ATP8B1: variants seen among roughly 807,000 people sequenced by gnomAD.
ATP8B1 encodes the protein ATPase phospholipid transporting 8B1, also known as phospholipid-transporting ATPase IC.
A neutral mutation model predicts 149.9 loss-of-function variants in ATP8B1; 80 were observed. That is an observed-to-expected ratio of 0.53 (90% CI 0.45 to 0.64). ATP8B1 has a LOEUF of 0.64. ATP8B1 is among the 30% of genes least tolerant of loss of function. The pLI is 0.00. For missense variants in ATP8B1, 1,247 were observed against 1,552.6 expected (o/e 0.80, Z 3.31); for synonymous variants, 536 against 562.8 (o/e 0.95, Z 0.67).
chr18:57,749,210 T>A (rs1236203269), intron 1 of ATP8B1, among the ~76,000 whole-genome samples: 1 of 152,236 alleles, frequency 6.6e-6, no homozygotes, highest in African/African-American at 2.4e-5. Context: ...TAGCACATGG[T>A]GATGAGGGCT....
rs35671095 is a variant in ATP8B1 at position 57,731,838 on chromosome 18, A to C, written c.-25-6T>G. On this transcript the variant is annotated splice_region_variant and splice_polypyrimidine_tract_variant and intron_variant, in intron 1 of 27. Coordinates refer to ENST00000648908, the MANE Select transcript of ATP8B1 (RefSeq NM_001374385.1). The stretch of plus-strand genomic sequence containing the variant: ...TGGCAAATTGGAACTACCTGCTTAA[A>C]AGGAAAGAGAAACCAGAGTGAATTA... 1 of 1,613,416 alleles carries C rather than the reference A, an allele frequency of 6.2e-7. No homozygotes were observed. Among genetic ancestry groups the C allele is most frequent in the Non-Finnish European group, 8.5e-7 (1 of 1,179,584 alleles).
chr18:57,710,689 C>T (rs1913645298), intron 2 of ATP8B1, among the ~76,000 whole-genome samples: 1 of 152,178 alleles, frequency 6.6e-6, no homozygotes, highest in Non-Finnish European at 1.5e-5. Flanking sequence ...GGCTGGAGTC[C>T]AATGATGCGA....
At chr18:57,764,995 T>G (rs1024951603) in intron 1 of ATP8B1, among the ~76,000 whole-genome samples, 1 of 152,186 alleles carries the variant, frequency 6.6e-6, no homozygotes, top group Non-Finnish European at 1.5e-5. Context: ...AGTAGACCCA[T>G]GTTCACAACA....
chr18:57,769,366 G>A (rs2123366379), intron 1 of ATP8B1, among the ~76,000 whole-genome samples: 1 of 152,260 alleles, frequency 6.6e-6, no homozygotes, highest in East Asian at 1.9e-4. Flanking sequence ...AATAAAGCTA[G>A]TTTCTCTAGA....
At chr18:57,788,369 C>G (rs2080429716) in intron 1 of ATP8B1, among the ~76,000 whole-genome samples, 2 of 152,118 alleles carry the variant, frequency 1.3e-5, no homozygotes, top group Non-Finnish European at 2.9e-5. Flanking sequence ...GCTTGGCCAA[C>G]ATGGTGAAAC....
chr18:57,781,682 A>G (rs967014725), intron 1 of ATP8B1, among the ~76,000 whole-genome samples: 1 of 152,222 alleles, frequency 6.6e-6, no homozygotes, highest in African/African-American at 2.4e-5. Context: ...ACAGTTCAAT[A>G]TGGGAAACAT....
intron 24 of ATP8B1, 138 bp from the exon 25 acceptor site, chr18:57,652,867 C>G: frequency 1.9e-6 from 2 of 1,032,998 alleles, no homozygotes; most frequent in South Asian, 1.4e-5. Context: ...GATAATCGAT[C>G]AATCCTGCAA....
At chr18:57,671,631 TA>T (rs755181019) in intron 16 of ATP8B1, 51 bp from the exon 17 acceptor site, 12 of 1,325,630 alleles carry the variant, frequency 9.1e-6, no homozygotes, top group Non-Finnish European at 1.2e-5. Flanking sequence ...TTTTTATATA[TA>T]TATTTTTTGA....
chr18:57,764,579 C>T (rs6566897), intron 1 of ATP8B1, among the ~76,000 whole-genome samples: 97,677 of 151,186 alleles, frequency 0.65, 31,769 homozygotes, highest in African/African-American at 0.69. Context: ...CCACCACACC[C>T]GGCTAATTTT....
chr18:57,752,827 T>C (rs75019912), intron 1 of ATP8B1, among the ~76,000 whole-genome samples: 2,113 of 152,326 alleles, frequency 0.014, 20 homozygotes, highest in Middle Eastern at 0.054. Flanking sequence ...AATAGCTCCA[T>C]TGCCCAGAAC....
At chr18:57,768,639 A>G (rs903285962) in intron 1 of ATP8B1, among the ~76,000 whole-genome samples, 18 of 148,134 alleles carry the variant, frequency 1.2e-4, no homozygotes, top group African/African-American at 4.5e-4. Flanking sequence ...TGTGTATTTT[A>G]CCAAAGTCAG....
At chr18:57,760,839 A>C (rs2080142890) in intron 1 of ATP8B1, among the ~76,000 whole-genome samples, 1 of 151,958 alleles carries the variant, frequency 6.6e-6, no homozygotes. Flanking sequence ...AAATACAAAA[A>C]TTAGCCAGGC....
At chr18:57,787,570 G>A (rs1170949979) in intron 1 of ATP8B1, among the ~76,000 whole-genome samples, 1 of 152,196 alleles carries the variant, frequency 6.6e-6, no homozygotes, top group Non-Finnish European at 1.5e-5. Flanking sequence ...TGTGGGTGGG[G>A]AGTGTTGGCT....
intron 1 of ATP8B1, among the ~76,000 whole-genome samples, chr18:57,732,745 TA>T (rs2079799971): frequency 6.6e-6 from 1 of 152,096 alleles, no homozygotes; most frequent in Admixed American, 6.5e-5. Context: ...GTATTTTTAG[TA>T]GAGACGGGGT....
chr18:57,676,555 T>TA (rs559315291), intron 15 of ATP8B1, among the ~76,000 whole-genome samples: 1,950 of 150,110 alleles, frequency 0.013, 15 homozygotes, highest in South Asian at 0.027. Context: ...CTGTCTCTAC[T>TA]AAAAACACAG....
At chr18:57,760,301 A>G (rs2080136301) in intron 1 of ATP8B1, among the ~76,000 whole-genome samples, 1 of 152,242 alleles carries the variant, frequency 6.6e-6, no homozygotes, top group South Asian at 2.1e-4. Context: ...TCACTCTGGG[A>G]TAATGCCTGG....
intron 20 of ATP8B1, among the ~76,000 whole-genome samples, chr18:57,665,016 C>T (rs1472881617): frequency 6.6e-6 from 1 of 152,058 alleles, no homozygotes; most frequent in Non-Finnish European, 1.5e-5. Flanking sequence ...TAGCAACATC[C>T]CTGGCCTCTA....
At chr18:57,695,425 A>G in intron 9 of ATP8B1, 25 bp downstream of exon 9, 2 of 1,603,936 alleles carry the variant, frequency 1.2e-6, no homozygotes, top group Non-Finnish European at 1.7e-6. Context: ...AATTTAAAGC[A>G]AAGTAAGACA....
At chr18:57,696,758 C>T (rs368336804) in intron 8 of ATP8B1, among the ~76,000 whole-genome samples, 1 of 152,118 alleles carries the variant, frequency 6.6e-6, no homozygotes, top group South Asian at 2.1e-4. Context: ...CTCCCTGGGC[C>T]TCCGATTCCT....
Sources: allele counts gnomAD v4.1 joint callset (sites outside exome capture counted in the v4.1 genomes callset), GRCh38; gene constraint gnomAD v4.1.1; transcripts MANE v1.5; gene names NCBI Gene and HGNC (gene_info 2026-07-23, HGNC 2026-07-21).